GFOD2: variants seen among roughly 807,000 people sequenced by gnomAD.
The protein encoded by GFOD2 is glucose-fructose oxidoreductase domain-containing protein 2.
GFOD2 carries 9 observed loss-of-function variants against 24.6 expected under a neutral mutation model. That is an observed-to-expected ratio of 0.37 (90% CI 0.22 to 0.64). The LOEUF (loss-of-function observed/expected upper bound fraction) is 0.64. Among genes scored for constraint, GFOD2 ranks in the 30% least tolerant of loss-of-function variants. The pLI is 0.65. For missense variants in GFOD2, 476 were observed against 532.5 expected (o/e 0.89, Z 1.04); for synonymous variants, 211 against 224.8 (o/e 0.94, Z 0.55).
At chr16:67,692,015 C>T (rs1354450571) in intron 1 of GFOD2, among the ~76,000 whole-genome samples, 3 of 151,756 alleles carry the variant, frequency 2.0e-5, no homozygotes, top group Non-Finnish European at 2.9e-5. Context: ...AAATTCTACT[C>T]GTGTGTGTGT....
intron 1 of GFOD2, among the ~76,000 whole-genome samples, chr16:67,712,196 T>C (rs1327185873): frequency 6.6e-6 from 1 of 151,726 alleles, no homozygotes; most frequent in Non-Finnish European, 1.5e-5. Context: ...GAAAACCATA[T>C]ATACTGAGCT....
chr16:67,696,014 CTTT>C (rs768998994), intron 1 of GFOD2, among the ~76,000 whole-genome samples: 1 of 142,704 alleles, frequency 7.0e-6, no homozygotes, highest in Non-Finnish European at 1.5e-5. Context: ...ATAGGGAACC[CTTT>C]TTTTTTTTTT....
chr16:67,685,894 T>G (rs1262492643), intron 1 of GFOD2, 92 bp from the exon 2 acceptor site: 1 of 707,664 alleles, frequency 1.4e-6, no homozygotes, highest in Non-Finnish European at 2.3e-6. Flanking sequence ...CTCGCTCTGT[T>G]GCCCAAGCTG....
At chr16:67,710,310 G>A (rs564091139) in intron 1 of GFOD2, among the ~76,000 whole-genome samples, 11 of 150,652 alleles carry the variant, frequency 7.3e-5, no homozygotes, top group East Asian at 2.0e-4. Context: ...AGTAGAAACC[G>A]GGTTTCACCA....
Position 67,688,480 on chromosome 16 carries a change from A to G in GFOD2, c.-87-2678T>C, listed in dbSNP as rs530553912. Among the ~76,000 whole-genome samples the G allele has an allele frequency of 3.3e-4, 50 of 152,278 alleles. No individual in the cohort carries two copies. The Middle Eastern group carries it at 0.024, about 73-fold the overall frequency. ...ATACAATAAAGAACAAAACCAAACA[A>G]AAGTCCTTTGCTTGGGATCAATGTC... On this transcript the variant is annotated intron_variant, in intron 1 of 2. Transcript: ENST00000268797.
Position 67,685,051 on chromosome 16 carries a change from T to C in GFOD2, c.259+406A>G. ...AACGCTGACAAAACATGGGAAATGG[T>C]AGCCTTGCTACACAGCCTCTCCTTC... On this transcript the variant is annotated intron_variant, in intron 2 of 2. Transcript: ENST00000268797. 7.1e-6 allele frequency: 8 copies of C among 1,126,886 alleles called. No individual in the cohort carries two copies. The South Asian group carries it at 1.8e-4, about 26-fold the overall frequency. 69.8% of individuals were successfully genotyped at this position (1,126,886 alleles called of 1,614,324 possible).
chr16:67,679,899 AC>A (rs1332287716), intron 2 of GFOD2, among the ~76,000 whole-genome samples: 1 of 150,832 alleles, frequency 6.6e-6, no homozygotes, highest in Non-Finnish European at 1.5e-5. Context: ...AAAAAAAAAA[AC>A]AACAACAACA....
At chr16:67,692,107 CAG>C (rs1340177460) in intron 1 of GFOD2, among the ~76,000 whole-genome samples, 1 of 151,446 alleles carries the variant, frequency 6.6e-6, no homozygotes, top group East Asian at 1.9e-4. Flanking sequence ...GTCTGAGGTG[CAG>C]AGTTGGAGAC....
intron 1 of GFOD2, among the ~76,000 whole-genome samples, chr16:67,692,728 T>C (rs2053323740): frequency 6.8e-6 from 1 of 147,534 alleles, no homozygotes; most frequent in Non-Finnish European, 1.5e-5. Context: ...GGGGAATAAT[T>C]TAAAAAAAAA....
intron 1 of GFOD2, among the ~76,000 whole-genome samples, chr16:67,712,415 G>T (rs2053481225): frequency 7.1e-6 from 1 of 140,950 alleles, no homozygotes; most frequent in Admixed American, 7.1e-5. Context: ...CCTGCCGAGT[G>T]CCTGCGATTG....
chr16:67,691,749 C>A, intron 1 of GFOD2, among the ~76,000 whole-genome samples: 1 of 152,072 alleles, frequency 6.6e-6, no homozygotes, highest in East Asian at 1.9e-4. Context: ...CACAGCAGGC[C>A]CTCCACTGAT....
chr16:67,697,753 G>A (rs1162384689), intron 1 of GFOD2, among the ~76,000 whole-genome samples: 1 of 152,180 alleles, frequency 6.6e-6, no homozygotes, highest in Non-Finnish European at 1.5e-5. Flanking sequence ...TGCTCTGGGG[G>A]TGACTGTTTG....
intron 1 of GFOD2, among the ~76,000 whole-genome samples, chr16:67,697,610 G>T (rs1350139385): frequency 1.3e-5 from 2 of 152,158 alleles, no homozygotes; most frequent in Admixed American, 6.5e-5. Flanking sequence ...ACCTTGAGCA[G>T]GTTACTTCAC....
In GFOD2 at chr16:67,714,838, A is replaced by G. The variant is rs766250593; in HGVS notation, c.-88+4325T>C. On this transcript the variant is annotated intron_variant, in intron 1 of 2. Coordinates refer to ENST00000268797, the MANE Select transcript of GFOD2 (RefSeq NM_030819.4). ...ACTTAGAAAGGTGGCAGAGAGAGTG[A>G]GCTATGTTCCCACGAATTTCAGGAC... Among the ~76,000 whole-genome samples the G allele has an allele frequency of 2.0e-5, 3 of 152,288 alleles. No individual in the cohort carries two copies. In the Middle Eastern group the frequency reaches 0.01, roughly 518 times the overall value.
intron 2 of GFOD2, chr16:67,676,715 G>C (rs2053187281): frequency 6.6e-6 from 1 of 152,246 alleles, no homozygotes; most frequent in African/African-American, 2.4e-5. Context: ...GCTAGAACAT[G>C]TTTGGCTCCG....
chr16:67,699,483 T>C lies in GFOD2; in HGVS notation c.-87-13681A>G, dbSNP rs79413826. Among the ~76,000 whole-genome samples the C allele has an allele frequency of 9.7e-3, 1,472 of 152,216 alleles. 21 individuals carry two copies. Among genetic ancestry groups the C allele is most frequent in the African/African-American group, 0.033 (1,374 of 41,528 alleles). On this transcript the variant is annotated intron_variant, in intron 1 of 2. Coordinates refer to ENST00000268797, the MANE Select transcript of GFOD2 (RefSeq NM_030819.4). ...TTGGATAGGAGAATGTGGTGTTTTT[T>C]TGTTTGTTAGTTTGGTTTGAGACAG...
At chr16:67,716,212 G>A (rs1269343814) in intron 1 of GFOD2, among the ~76,000 whole-genome samples, 1 of 152,186 alleles carries the variant, frequency 6.6e-6, no homozygotes, top group African/African-American at 2.4e-5. Context: ...TCAGTTCAGT[G>A]AAAGTAGCTT....
chr16:67,683,629 TG>T (rs1219332954), intron 2 of GFOD2: 2 of 1,231,616 alleles, frequency 1.6e-6, no homozygotes, highest in Non-Finnish European at 2.0e-6. Context: ...TGCTCCAAAT[TG>T]ACAACCGGAC....
intron 1 of GFOD2, among the ~76,000 whole-genome samples, chr16:67,716,447 T>C (rs1383658871): frequency 5.9e-5 from 9 of 152,226 alleles, no homozygotes; most frequent in East Asian, 1.9e-4. Flanking sequence ...GTTTTTCTGA[T>C]TGGAGTTCAG....
Sources: allele counts gnomAD v4.1 joint callset (sites outside exome capture counted in the v4.1 genomes callset), GRCh38; gene constraint gnomAD v4.1.1; transcripts MANE v1.5; gene names NCBI Gene and HGNC (gene_info 2026-07-23, HGNC 2026-07-21).